The following DMD variants were observed in gnomAD, a reference collection of about 807,000 sequenced individuals.
DMD encodes the protein mutant dystrophin.
Under a neutral mutation model 330.1 loss-of-function variants are expected in DMD, and 63 were observed. The observed-to-expected ratio is 0.19, with a 90% CI of 0.16 to 0.24. The LOEUF is 0.24. Among genes scored for constraint, DMD ranks in the 10% least tolerant of loss-of-function variants. The pLI is 1.00. For missense variants in DMD, 3,344 were observed against 2,684.1 expected (o/e 1.25, Z -5.43); for synonymous variants, 1,223 against 959.8 (o/e 1.27, Z -5.07).
At chrX:31,832,007 A>T (rs2093057882) in intron 49 of DMD, among the ~76,000 whole-genome samples, 1 of 112,693 alleles carries the variant, frequency 8.9e-6, no homozygotes, top group African/African-American at 3.2e-5. Context: ...CTCCCAACTT[A>T]TTCTGGTGTT....
chrX:32,367,456 C>A (rs2097858397), intron 34 of DMD, among the ~76,000 whole-genome samples: 1 of 112,496 alleles, frequency 8.9e-6, no homozygotes, highest in South Asian at 3.6e-4. Context: ...ATTTGGATTA[C>A]TAATTATCTC....
At chrX:31,505,712 C>A (rs1162145255) in intron 56 of DMD, among the ~76,000 whole-genome samples, 1 of 110,961 alleles carries the variant, frequency 9.0e-6, no homozygotes, top group African/African-American at 3.3e-5. Context: ...CGGCTCACTG[C>A]AACCTCCACC....
chrX:31,754,936 C>A (rs1347878713), intron 51 of DMD, among the ~76,000 whole-genome samples: 1 of 111,673 alleles, frequency 9.0e-6, no homozygotes. Context: ...AATCAAATGT[C>A]TGATATAGTT....
At chrX:32,050,974 C>T (rs868656762) in intron 44 of DMD, among the ~76,000 whole-genome samples, 9 of 78,111 alleles carry the variant, frequency 1.2e-4, no homozygotes, top group African/African-American at 4.0e-4. Context: ...CTAACTTCCT[C>T]TTTTTTTTTT....
intron 34 of DMD, among the ~76,000 whole-genome samples, chrX:32,371,334 G>A (rs377234210): frequency 9.1e-6 from 1 of 110,458 alleles, no homozygotes; most frequent in East Asian, 2.8e-4. Flanking sequence ...ATTTGTGTGC[G>A]TGTGTGTTTG....
intron 11 of DMD, among the ~76,000 whole-genome samples, chrX:32,627,491 G>A (rs1406508311): frequency 1.0e-5 from 1 of 96,049 alleles, no homozygotes; most frequent in East Asian, 2.8e-4. Flanking sequence ...GAAAAAAAGA[G>A]GTATTATTGT....
At chrX:33,277,245 C>T (rs1035992093) in intron 1 of DMD, among the ~76,000 whole-genome samples, 1 of 111,283 alleles carries the variant, frequency 9.0e-6, no homozygotes, top group East Asian at 2.9e-4. Context: ...AAAGTGGTTT[C>T]GTGGTTGCCA....
At chrX:32,395,366 A>G (rs1179922631) in intron 30 of DMD, among the ~76,000 whole-genome samples, 2 of 109,451 alleles carry the variant, frequency 1.8e-5, no homozygotes, top group Non-Finnish European at 3.8e-5. Context: ...TAAATTACAA[A>G]GCAGAAATAT....
intron 42 of DMD, among the ~76,000 whole-genome samples, chrX:32,308,485 A>G (rs1255914474): frequency 9.0e-6 from 1 of 111,038 alleles, no homozygotes; most frequent in Admixed American, 9.7e-5. Context: ...ATCCCCCTTC[A>G]AAAAAGTCAA....
chrX:32,101,518 A>G, intron 44 of DMD, among the ~76,000 whole-genome samples: 1 of 112,113 alleles, frequency 8.9e-6, no homozygotes, highest in Middle Eastern at 4.6e-3. Flanking sequence ...ATTGGTTCCC[A>G]GAATTTCACA....
At chrX:32,492,752 AATATATTACATATG>A (rs1200079488) in intron 19 of DMD, among the ~76,000 whole-genome samples, 1 of 112,470 alleles carries the variant, frequency 8.9e-6, no homozygotes, top group African/African-American at 3.2e-5. Flanking sequence ...TAAAAGAGAA[AATATATTACATATG>A]ATATCATGCA....
chrX:32,008,052 C>T (rs994348771), intron 44 of DMD, among the ~76,000 whole-genome samples: 1 of 111,042 alleles, frequency 9.0e-6, no homozygotes, highest in Non-Finnish European at 1.9e-5. Context: ...TCATTACTAC[C>T]GATCAAGATG....
intron 2 of DMD, among the ~76,000 whole-genome samples, chrX:32,987,114 G>T (rs1367611176): frequency 8.9e-6 from 1 of 111,870 alleles, no homozygotes; most frequent in African/African-American, 3.2e-5. Flanking sequence ...TGGGACCTAA[G>T]GATCAAGATC....
At chrX:31,506,678 G>A (rs774282917) in intron 56 of DMD, among the ~76,000 whole-genome samples, 187 of 111,974 alleles carry the variant, frequency 1.7e-3, no homozygotes, top group African/African-American at 5.8e-3. Context: ...ACATAGAAGG[G>A]GGCAAAATAT....
chrX:33,284,345 A>G (rs1209217028), intron 1 of DMD, among the ~76,000 whole-genome samples: 1 of 111,073 alleles, frequency 9.0e-6, no homozygotes, highest in Non-Finnish European at 1.9e-5. Flanking sequence ...TTTCTCAACA[A>G]TTAGTGTTTT....
rs759118089 is a variant in DMD at position 32,780,112 on chromosome X, C to A, written c.649+29381G>T. On this transcript the variant is annotated intron_variant, in intron 7 of 78. Coordinates refer to ENST00000357033, the MANE Select transcript of DMD (RefSeq NM_004006.3). Reference sequence around the variant, plus strand: ...CGATATGTAGTGTGTATTGCTTTAGCATACTCAATAAAATCCATTGAGACA... The same window carrying A: ...CGATATGTAGTGTGTATTGCTTTAGAATACTCAATAAAATCCATTGAGACA... Among the ~76,000 whole-genome samples the A allele has an allele frequency of 1.4e-3, 161 of 111,801 alleles. 2 individuals are homozygous for A. Among genetic ancestry groups the A allele is most frequent in the African/African-American group, 4.8e-3 (147 of 30,770 alleles).
At chrX:32,522,846 T>A (rs1316073888) in intron 17 of DMD, among the ~76,000 whole-genome samples, 2 of 112,468 alleles carry the variant, frequency 1.8e-5, no homozygotes, top group African/African-American at 6.5e-5. Context: ...TGGGCCACTT[T>A]GGTGAAATTT....
At chrX:31,182,409 A>C (rs1177952348) in intron 68 of DMD, among the ~76,000 whole-genome samples, 1 of 112,133 alleles carries the variant, frequency 8.9e-6, no homozygotes, top group Non-Finnish European at 1.9e-5. Flanking sequence ...GATGGTAAAA[A>C]TGTTTTGGTT....
chrX:33,298,573 G>A (rs775691732), intron 1 of DMD, among the ~76,000 whole-genome samples: 22 of 111,677 alleles, frequency 2.0e-4, no homozygotes, highest in South Asian at 7.4e-4. Context: ...AATGTTGAGC[G>A]TATCGGACAC....
Sources: gnomAD v4.1 joint callset for allele counts (sites outside exome capture counted in the v4.1 genomes callset) on GRCh38, gnomAD v4.1.1 for gene constraint, MANE v1.5 for transcripts, NCBI Gene and HGNC (gene_info 2026-07-23, HGNC 2026-07-21) for gene names.